Variants in IRAG2 observed in about 807,000 individuals in gnomAD.
IRAG2 encodes the protein inositol 1,4,5-triphosphate receptor associated 2.
IRAG2 carries 45 observed loss-of-function variants against 69.9 expected under a neutral mutation model. The observed-to-expected ratio is 0.64, with a 90% CI of 0.51 to 0.83. IRAG2 has a LOEUF of 0.83. IRAG2 is among the 40% of genes least tolerant of loss of function. IRAG2 has a pLI of 0.00. For synonymous variants in IRAG2, 193 were observed against 202.4 expected, an observed-to-expected ratio of 0.95 and a Z score of 0.40; for missense variants, 520 against 587.0, an observed-to-expected ratio of 0.89 and a Z score of 1.18.
intron 15 of IRAG2, among the ~76,000 whole-genome samples, chr12:25,098,821 T>C (rs1948582492): frequency 6.6e-6 from 1 of 152,180 alleles, no homozygotes; most frequent in South Asian, 2.1e-4. Flanking sequence ...CAACCCACTC[T>C]GTATCAGCCT....
chr12:25,103,209 T>C (rs1158368292), intron 17 of IRAG2: 1 of 152,470 alleles, frequency 6.6e-6, no homozygotes, highest in African/African-American at 2.4e-5. Flanking sequence ...TAATACTATA[T>C]AATGCTTTTC....
rs1555125446 is a variant in IRAG2, at chr12:25,015,112, A to AAAAG, written c.897-70_897-69insAAAG. Reference sequence around the variant, plus strand: ...TGAAAAAAAAAAAAAAAAAAAAAAAAGACAAAACTTGGTCAGGCAAAGAAT... The same window carrying AAAAG: ...TGAAAAAAAAAAAAAAAAAAAAAAAAAAAGGACAAAACTTGGTCAGGCAAAGAAT... On this transcript the variant is annotated intron_variant, in intron 3 of 38. Coordinates refer to the IRAG2 transcript ENST00000636465. The AAAAG allele has an allele frequency of 2.8e-3, 1,000 of 360,510 alleles. 5 individuals are homozygous for AAAAG. Among genetic ancestry groups the AAAAG allele is most frequent in the East Asian group, 0.011 (91 of 8,620 alleles). The allele number at this position is 360,510 out of a possible 1,614,324, so 22.3% of individuals were successfully genotyped here. A position where few individuals can be genotyped will look rare whatever the true frequency, so the allele number is the denominator to read the frequency against.
intron 10 of IRAG2, among the ~76,000 whole-genome samples, chr12:25,085,214 T>G (rs571298248): frequency 1.4e-4 from 22 of 152,380 alleles, no homozygotes; most frequent in Non-Finnish European, 2.2e-4. Flanking sequence ...TCCTGAGCTG[T>G]CGCTCAGTGT....
rs1215277335 is a variant in IRAG2 at position 25,104,965 on chromosome 12, T to C, written c.1148+503T>C. ...CTGTATCTAGTAAACTAAACAAATA[T>C]ACTTCTACAGTGAAAGGTAGAGGGC... On this transcript the variant is annotated intron_variant, in intron 20 of 21. Transcript: ENST00000556887. 2.6e-5 allele frequency among the ~76,000 whole-genome samples: 4 copies of C among 151,878 alleles called. No homozygotes were observed. The East Asian group carries it at 5.8e-4, about 22-fold the overall frequency.
chr12:25,012,895 G>C (rs1944488538), intron 3 of IRAG2, among the ~76,000 whole-genome samples: 2 of 152,182 alleles, frequency 1.3e-5, no homozygotes, highest in Non-Finnish European at 2.9e-5. Context: ...AGGATGTATA[G>C]ATAACTTAAG....
chr12:25,017,728 C>G (rs556958633), intron 6 of IRAG2, among the ~76,000 whole-genome samples: 3 of 145,740 alleles, frequency 2.1e-5, no homozygotes, highest in Non-Finnish European at 1.5e-5. Flanking sequence ...AAAAAAAAAA[C>G]CAACAAAAAA....
At chr12:25,034,679 G>T (rs906499575) in intron 13 of IRAG2, among the ~76,000 whole-genome samples, 5 of 152,068 alleles carry the variant, frequency 3.3e-5, no homozygotes, top group African/African-American at 1.2e-4. Context: ...ACCATTTGAT[G>T]GTCTCTTCCT....
chr12:25,078,171 T>C (rs1946953885), intron 6 of IRAG2, among the ~76,000 whole-genome samples: 1 of 152,246 alleles, frequency 6.6e-6, no homozygotes, highest in Admixed American at 6.5e-5. Flanking sequence ...TAAAATCTGC[T>C]AAGGTTGTTG....
At chr12:25,056,248 A>G (rs1167170494) in intron 1 of IRAG2, among the ~76,000 whole-genome samples, 1 of 152,178 alleles carries the variant, frequency 6.6e-6, no homozygotes, top group Admixed American at 6.5e-5. Flanking sequence ...GAAATGAGCC[A>G]AAGAAGGCGG....
intron 2 of IRAG2, among the ~76,000 whole-genome samples, chr12:25,008,025 G>C (rs1330368303): frequency 6.6e-6 from 1 of 152,092 alleles, no homozygotes; most frequent in Non-Finnish European, 1.5e-5. Context: ...ACCATTGAGA[G>C]TAATGGCAAA....
rs111718393 is a variant in IRAG2, at chr12:25,004,829, T to C, written c.488T>C (p.Leu163Pro). ...GAAAATAATTTTAGTACCTTAACAC[T>C]TGACTTTGATTCCACCTTTGTTCAA... Residue 163 changes from leucine to proline, a missense_variant, in exon 1 of 39, where the codon CTT becomes CCT. By Grantham distance (98) the Leu-to-Pro change is moderately conservative (BLOSUM62 -3). Coordinates refer to the IRAG2 transcript ENST00000636465. The C allele has an allele frequency of 1.7e-4, 211 of 1,232,100 alleles. No homozygotes were observed. In the African/African-American group the frequency reaches 2.9e-3, roughly 17 times the overall value. The allele number at this position is 1,232,100 out of a possible 1,614,324, so 76.3% of individuals were successfully genotyped here. A position where few individuals can be genotyped will look rare whatever the true frequency, so the allele number is the denominator to read the frequency against.
At chr12:25,037,022 T>C (rs978651773) in intron 15 of IRAG2, among the ~76,000 whole-genome samples, 2 of 152,270 alleles carry the variant, frequency 1.3e-5, no homozygotes, top group African/African-American at 4.8e-5. Flanking sequence ...TTTGAAAGAA[T>C]GATTACTGTG....
At chr12:25,068,401 C>T (rs1240578276) in intron 5 of IRAG2, among the ~76,000 whole-genome samples, 1 of 152,184 alleles carries the variant, frequency 6.6e-6, no homozygotes, top group Non-Finnish European at 1.5e-5. Flanking sequence ...CAGCACATGG[C>T]TATGTTTTAG....
intron 10 of IRAG2, among the ~76,000 whole-genome samples, chr12:25,087,763 C>T (rs994872795): frequency 6.6e-6 from 1 of 152,126 alleles, no homozygotes; most frequent in African/African-American, 2.4e-5. Context: ...ACATGACCAC[C>T]TGACCTCTGC....
In IRAG2 at chr12:25,096,925, T is replaced by C; in HGVS notation, c.622T>C (p.Cys208Arg). Residue 208 changes from cysteine to arginine, a missense_variant, in exon 15 of 22, where the codon TGT becomes CGT. Coordinates refer to ENST00000556887, the MANE Select transcript of IRAG2 (RefSeq NM_001366544.2). ...TTCTATACAGTCTTTAACACCTCTGTGTGAAGATGACAACCAGGCACAGGA... is the reference window on the plus strand; with the variant it reads ...TTCTATACAGTCTTTAACACCTCTGCGTGAAGATGACAACCAGGCACAGGA... ...LKLLESLTPL[C>R]EDDNQAQEII... 1.2e-6 allele frequency: 2 copies of C among 1,613,044 alleles called. No individual in the cohort carries two copies. The highest frequency in any genetic ancestry group is 1.7e-6 in the Non-Finnish European group (2 of 1,179,570).
chr12:25,016,755 G>GAAA lies in IRAG2; in HGVS notation c.1056-368_1056-366dup, dbSNP rs34765422. Among the ~76,000 whole-genome samples the GAAA allele has an allele frequency of 3.1e-3, 409 of 132,606 alleles. 3 individuals are homozygous for GAAA. The highest frequency in any genetic ancestry group is 9.7e-3 in the African/African-American group (362 of 37,134). The allele number at this position is 132,606 out of a possible 152,430, so 87.0% of individuals were successfully genotyped here. On this transcript the variant is annotated intron_variant, in intron 5 of 38. Coordinates refer to the IRAG2 transcript ENST00000636465. ...AGAGCAAGACTCTGTCTCAAAAAAT[G>GAAA]AAAAAAAAAAAAAGAATATTGTGTC...
upstream of IRAG2, among the ~76,000 whole-genome samples, chr12:24,999,539 T>C (rs1944376111): frequency 2.0e-5 from 3 of 152,224 alleles, no homozygotes; most frequent in Admixed American, 2.0e-4. Flanking sequence ...GTATCGATAA[T>C]CTCTAACATC....
chr12:25,054,005 G>T (rs1033961056), intron 1 of IRAG2, among the ~76,000 whole-genome samples: 1 of 152,090 alleles, frequency 6.6e-6, no homozygotes, highest in Non-Finnish European at 1.5e-5. Context: ...GCCGAGGTGG[G>T]CAGATTGCTT....
At chr12:25,089,570 G>A (rs771882644) in intron 11 of IRAG2, 44 bp from the exon 12 acceptor site, 3 of 1,232,918 alleles carry the variant, frequency 2.4e-6, no homozygotes, top group South Asian at 1.4e-5. Flanking sequence ...GCTTTTACAG[G>A]TCAAGCCTTT....
Sources: allele counts gnomAD v4.1 joint callset (sites outside exome capture counted in the v4.1 genomes callset), GRCh38; gene constraint gnomAD v4.1.1; transcripts MANE v1.5; gene names NCBI Gene and HGNC (gene_info 2026-07-23, HGNC 2026-07-21).